Variants in EPB41L1 observed in about 807,000 individuals in gnomAD.
EPB41L1 encodes erythrocyte membrane protein band 4.1 like 1.
In EPB41L1, 29 loss-of-function variants were observed where a neutral mutation model predicts 97.8. The observed-to-expected ratio is 0.30, with a 90% CI of 0.22 to 0.40. EPB41L1 has a LOEUF of 0.40. Among genes scored for constraint, EPB41L1 ranks in the 10% least tolerant of loss-of-function variants. The probability of loss-of-function intolerance (pLI) is 1.00; values close to 1 mark genes in which losing one functional copy is unlikely to be tolerated. For missense variants in EPB41L1, 812 were observed against 1,162.3 expected, an observed-to-expected ratio of 0.70 and a Z score of 4.38; for synonymous variants, 383 against 459.2, an observed-to-expected ratio of 0.83 and a Z score of 2.12.
In EPB41L1 at chr20:36,187,656, G is replaced by A. The variant is rs763525704; in HGVS notation, c.786-20G>A. 1 of 1,609,418 alleles carries A rather than the reference G, an allele frequency of 6.2e-7. No individual in the cohort carries two copies. Among genetic ancestry groups the A allele is most frequent in the South Asian group, 1.1e-5 (1 of 90,700 alleles). ...CTGGGCCTTTCCCTTGGTCACCTGT[G>A]ATCACTTTCTTTCCCTCAGGGGGAT... On this transcript the variant is annotated intron_variant, in intron 7 of 21. Coordinates refer to ENST00000338074, the MANE Select transcript of EPB41L1 (RefSeq NM_012156.2).
chr20:36,209,725 T>G lies in EPB41L1; in HGVS notation c.1906T>G (p.Phe636Val). The G allele has an allele frequency of 6.2e-7, 1 of 1,614,150 alleles. No individual in the cohort carries two copies. The highest frequency in any genetic ancestry group is 8.5e-7 in the Non-Finnish European group (1 of 1,180,034). Residue 636 changes from phenylalanine to valine, a missense_variant, in exon 15 of 22, where the codon TTC (phenylalanine) becomes GTC (valine). This residue lies in a region of EPB41L1 where 498 missense variants were observed against 622.7 expected (regional missense o/e 0.80). Coordinates refer to ENST00000338074, the MANE Select transcript of EPB41L1 (RefSeq NM_012156.2). The surrounding 1 kb of genome is among the most constrained non-coding windows in gnomAD (Gnocchi z 4.2). ...CTACCATGGCAGCGCCTTCGAAGAC[T>G]TCTCCCGCAGCCTGCCTGAGCTCGA... Reference protein sequence around the residue: ...GDYHGSAFEDFSRSLPELDRD... With the variant: ...GDYHGSAFEDVSRSLPELDRD...
intron 21 of EPB41L1, among the ~76,000 whole-genome samples, chr20:36,224,658 A>C (rs1461973752): frequency 6.6e-6 from 1 of 152,224 alleles, no homozygotes; most frequent in Non-Finnish European, 1.5e-5. Flanking sequence ...AAATAAAATA[A>C]AATTAAATTA....
intron 1 of EPB41L1, among the ~76,000 whole-genome samples, chr20:36,156,592 G>T (rs1436592636): frequency 6.6e-6 from 1 of 152,202 alleles, no homozygotes; most frequent in Non-Finnish European, 1.5e-5. Flanking sequence ...CTGCTGCGGT[G>T]GTTGTGCTAT....
chr20:36,173,420 T>TGGACCCTGCCTG (rs1435312209), intron 1 of EPB41L1, among the ~76,000 whole-genome samples: 2 of 152,206 alleles, frequency 1.3e-5, no homozygotes, highest in Non-Finnish European at 2.9e-5. Context: ...CAGCCTGGCT[T>TGGACCCTGCCTG]GGACCCTGCC....
chr20:36,112,167 C>G (rs147821450), intron 1 of EPB41L1, among the ~76,000 whole-genome samples: 41 of 152,336 alleles, frequency 2.7e-4, no homozygotes, highest in African/African-American at 9.9e-4. Flanking sequence ...CCAGTGGTTT[C>G]TCTTTGCTCT....
intron 8 of EPB41L1, 37 bp from the exon 9 acceptor site, chr20:36,188,310 C>A (rs766179420): frequency 2.5e-6 from 4 of 1,611,736 alleles, no homozygotes; most frequent in Non-Finnish European, 3.4e-6. Flanking sequence ...CAGGCATGGA[C>A]CCCGGGCCTC....
chr20:36,114,502 C>A (rs1397400142), intron 2 of EPB41L1, among the ~76,000 whole-genome samples: 5 of 152,130 alleles, frequency 3.3e-5, no homozygotes, highest in Non-Finnish European at 7.4e-5. Context: ...TGGCCCTGCC[C>A]ATGGACAGCA....
At chr20:36,147,358 G>A (rs2059879819) in intron 2 of EPB41L1, among the ~76,000 whole-genome samples, 1 of 152,156 alleles carries the variant, frequency 6.6e-6, no homozygotes, top group African/African-American at 2.4e-5. Flanking sequence ...ACATACTTGT[G>A]TAACTACCCC....
chr20:36,094,045 G>GT (rs370149421), intron 1 of EPB41L1, among the ~76,000 whole-genome samples: 4 of 152,186 alleles, frequency 2.6e-5, no homozygotes, highest in African/African-American at 9.7e-5. Flanking sequence ...ATGTCTCTGG[G>GT]TATGTCCATA....
In EPB41L1 at chr20:36,194,266, G is replaced by T. The variant is rs778924583; in HGVS notation, c.1355G>T (p.Gly452Val). ...GAGAACCATGATGCAGGGCCTGACG[G>T]TGACAAGCGGGATGAGGATGGCGAG... Reference protein sequence around the residue: ...VSENHDAGPDGDKRDEDGESG... With the variant: ...VSENHDAGPDVDKRDEDGESG... Residue 452 changes from glycine to valine, a missense_variant, in exon 12 of 22, where the codon GGT becomes GTT. This residue lies in a region of EPB41L1 where 498 missense variants were observed against 622.7 expected (regional missense o/e 0.80). Coordinates refer to ENST00000338074, the MANE Select transcript of EPB41L1 (RefSeq NM_012156.2). 3.1e-6 allele frequency: 5 copies of T among 1,614,184 alleles called. No individual in the cohort carries two copies. In the South Asian group the frequency reaches 3.3e-5, roughly 11 times the overall value.
Position 36,110,539 on chromosome 20 carries a change from C to T in EPB41L1, c.-64-1887C>T, listed in dbSNP as rs969929655. 6.6e-5 allele frequency among the ~76,000 whole-genome samples: 10 copies of T among 151,962 alleles called. No homozygotes were observed. The South Asian group carries it at 1.7e-3, about 25-fold the overall frequency. On this transcript the variant is annotated intron_variant, in intron 1 of 19. Coordinates refer to the EPB41L1 transcript ENST00000202028. ...CAAGGTAGCTACACACATGTGCACA[C>T]ACACACACACTCACACCCATTGGCC...
chr20:36,100,513 G>A (rs564665837), intron 1 of EPB41L1, among the ~76,000 whole-genome samples: 2 of 152,174 alleles, frequency 1.3e-5, no homozygotes, highest in Admixed American at 6.5e-5. Flanking sequence ...TGTGTGCCAG[G>A]CCCTGTGCTA....
At position 36,207,811 on chromosome 20, in the gene EPB41L1, C is replaced by T. The variant is rs775401931; in HGVS notation, c.1669-1677C>T. 23 of 1,272,856 alleles carry T rather than the reference C, an allele frequency of 1.8e-5. No individual in the cohort carries two copies. Among genetic ancestry groups the T allele is most frequent in the Admixed American group, 1.2e-4 (5 of 42,554 alleles). The allele number at this position is 1,272,856 out of a possible 1,614,324, so 78.8% of individuals were successfully genotyped here. On this transcript the variant is annotated intron_variant, in intron 14 of 21. Coordinates refer to ENST00000338074, the MANE Select transcript of EPB41L1 (RefSeq NM_012156.2). This position sits in a 1 kb window ranked among gnomAD's most constrained non-coding sequence, Gnocchi z 4.9. Reference sequence around the variant, plus strand: ...TGGCCGCGTGAGCCCCCGCCCCCACCGCTGCTCCCCGCCCATGGGGGCTGG... The same window carrying T: ...TGGCCGCGTGAGCCCCCGCCCCCACTGCTGCTCCCCGCCCATGGGGGCTGG...
intron 5 of EPB41L1, among the ~76,000 whole-genome samples, chr20:36,180,849 T>C (rs957634935): frequency 6.6e-6 from 1 of 152,202 alleles, no homozygotes; most frequent in Non-Finnish European, 1.5e-5. Context: ...TCATTGAAGC[T>C]GCTCTTTCCA....
At chr20:36,094,538 G>A (rs573450079) in intron 1 of EPB41L1, among the ~76,000 whole-genome samples, 1 of 152,276 alleles carries the variant, frequency 6.6e-6, no homozygotes, top group East Asian at 1.9e-4. Context: ...GTTCTTCCCC[G>A]TAACGTCACA....
Position 36,212,180 on chromosome 20 carries a change from A to G in EPB41L1, c.2080-92A>G. 8.4e-7 allele frequency: 1 copy of G among 1,191,232 alleles called. No homozygotes were observed. The highest frequency in any genetic ancestry group is 1.2e-6 in the Non-Finnish European group (1 of 800,158). 73.8% of individuals were successfully genotyped at this position (1,191,232 alleles called of 1,614,324 possible). ...AGATGTGGCCAGCTGTGGGGATAGGAGATAGCCTGCAGACACCACACTGCA... is the reference window on the plus strand; with the variant it reads ...AGATGTGGCCAGCTGTGGGGATAGGGGATAGCCTGCAGACACCACACTGCA... On this transcript the variant is annotated intron_variant, in intron 15 of 21. Coordinates refer to ENST00000338074, the MANE Select transcript of EPB41L1 (RefSeq NM_012156.2). This position sits in a 1 kb window ranked among gnomAD's most constrained non-coding sequence, Gnocchi z 4.8.
At chr20:36,197,819 C>T (rs753020359) in intron 13 of EPB41L1, 40 bp from the exon 14 acceptor site, 23 of 1,613,790 alleles carry the variant, frequency 1.4e-5, no homozygotes, top group Non-Finnish European at 1.9e-5. Context: ...CCGCTTGGAG[C>T]TGTTCCCCTA....
At chr20:36,175,957 T>C (rs1295199414) in intron 3 of EPB41L1, among the ~76,000 whole-genome samples, 4 of 152,194 alleles carry the variant, frequency 2.6e-5, no homozygotes, top group Non-Finnish European at 5.9e-5. Flanking sequence ...GGGAAGATTT[T>C]GCAGGGTGAC....
rs142762166 is a variant in EPB41L1 at position 36,097,257 on chromosome 20, T to C, written c.-65+5645T>C. The stretch of plus-strand genomic sequence containing the variant: ...GTATTGGGATGGGTGGCACACTTAG[T>C]AGTGGTTACTAGCACTGGCTCTACA... On this transcript the variant is annotated intron_variant, in intron 1 of 19. Coordinates refer to the EPB41L1 transcript ENST00000202028. 7.9e-4 allele frequency among the ~76,000 whole-genome samples: 121 copies of C among 152,300 alleles called. 2 individuals are homozygous for C. The highest frequency in any genetic ancestry group is 2.5e-3 in the African/African-American group (104 of 41,564).
Sources: gnomAD v4.1 joint callset for allele counts (sites outside exome capture counted in the v4.1 genomes callset) on GRCh38, gnomAD v4.1.1 for gene constraint, gnomAD v4.1.1 regional missense constraint, Gnocchi (gnomAD v3.1) non-coding constraint, MANE v1.5 for transcripts, NCBI Gene and HGNC (gene_info 2026-07-23, HGNC 2026-07-21) for gene names.